The following EDIL3 variants were observed in gnomAD, a reference collection of about 807,000 sequenced individuals.
EDIL3 encodes EGF like and discoidin domains 3.
Under a neutral mutation model 67.4 loss-of-function variants are expected in EDIL3, and 37 were observed. The ratio of observed to expected loss-of-function variants is 0.55; its 90% CI spans 0.42 to 0.72. EDIL3 has a LOEUF of 0.72. EDIL3 is among the 30% of genes least tolerant of loss of function. The probability of loss-of-function intolerance (pLI) is 0.00; values close to 1 mark genes in which losing one functional copy is unlikely to be tolerated. For synonymous variants in EDIL3, 195 were observed against 196.3 expected (o/e 0.99, Z 0.05); for missense variants, 527 against 586.3 (o/e 0.90, Z 1.04).
intron 6 of EDIL3, among the ~76,000 whole-genome samples, chr5:84,084,523 T>C (rs1044318693): frequency 6.6e-6 from 1 of 152,204 alleles, no homozygotes; most frequent in Non-Finnish European, 1.5e-5. Flanking sequence ...GAACAATATA[T>C]ATGTTTCTGG....
intron 4 of EDIL3, among the ~76,000 whole-genome samples, chr5:84,168,670 AT>A (rs1238209716): frequency 3.9e-5 from 6 of 152,186 alleles, no homozygotes; most frequent in Non-Finnish European, 7.3e-5. Flanking sequence ...GCTGGTCGTA[AT>A]TGACTTCAAA....
At chr5:84,120,459 A>G (rs564660956) in intron 5 of EDIL3, among the ~76,000 whole-genome samples, 1 of 152,168 alleles carries the variant, frequency 6.6e-6, no homozygotes, top group South Asian at 2.1e-4. Context: ...TATCATTTTA[A>G]TAAAGATTGT....
intron 9 of EDIL3, among the ~76,000 whole-genome samples, chr5:84,015,473 A>G (rs1745587566): frequency 1.3e-5 from 2 of 152,214 alleles, no homozygotes; most frequent in African/African-American, 2.4e-5. Context: ...TGCAAATAAA[A>G]GCTTAGTATC....
rs1215260536 is a variant in EDIL3 at position 83,941,380 on chromosome 5, T to G, written c.*2039A>C. ...TAAAACAGGTATCAATAGAAAAAAT[T>G]ACAAAACATCATATGAAGCTATAAA... On this transcript the variant is annotated 3_prime_UTR_variant, in exon 11 of 11. Transcript: ENST00000296591. 2 of 152,014 alleles carry G rather than the reference T, an allele frequency of 1.3e-5. No homozygotes were observed. Among genetic ancestry groups the G allele is most frequent in the Non-Finnish European group, 2.9e-5 (2 of 67,910 alleles). The allele number at this position is 152,014 out of a possible 1,614,324, so 9.4% of individuals were successfully genotyped here.
At chr5:84,347,031 A>AT (rs1464477558) in intron 1 of EDIL3, among the ~76,000 whole-genome samples, 2 of 152,200 alleles carry the variant, frequency 1.3e-5, no homozygotes, top group East Asian at 3.8e-4. Context: ...CTAAAAAAAA[A>AT]TTGAGAAATT....
intron 5 of EDIL3, among the ~76,000 whole-genome samples, chr5:84,118,181 C>T (rs1266116222): frequency 2.0e-5 from 3 of 152,082 alleles, no homozygotes; most frequent in Non-Finnish European, 2.9e-5. Flanking sequence ...CTAAAATCCT[C>T]TTAAACTACA....
chr5:84,245,267 A>G (rs1197855706), intron 2 of EDIL3, among the ~76,000 whole-genome samples: 2 of 152,218 alleles, frequency 1.3e-5, no homozygotes, highest in Admixed American at 6.5e-5. Flanking sequence ...TATTTAAAAA[A>G]TATATTTGAT....
chr5:84,294,172 A>T (rs1238367567), intron 1 of EDIL3, among the ~76,000 whole-genome samples: 1 of 150,530 alleles, frequency 6.6e-6, no homozygotes, highest in African/African-American at 2.5e-5. Flanking sequence ...TCACGAGGTC[A>T]GGAGATCGAG....
intron 1 of EDIL3, among the ~76,000 whole-genome samples, chr5:84,366,479 C>T (rs1012775650): frequency 2.6e-5 from 4 of 152,146 alleles, no homozygotes; most frequent in African/African-American, 9.7e-5. Context: ...ATGCTTACTT[C>T]TTTACTTCAT....
chr5:83,978,444 T>C (rs547018471), intron 9 of EDIL3, among the ~76,000 whole-genome samples: 1 of 151,980 alleles, frequency 6.6e-6, no homozygotes, highest in East Asian at 1.9e-4. Context: ...AGTCAGCACA[T>C]TTAAAAACAA....
At chr5:84,007,956 T>C (rs1235761512) in intron 9 of EDIL3, among the ~76,000 whole-genome samples, 1 of 152,084 alleles carries the variant, frequency 6.6e-6, no homozygotes, top group Non-Finnish European at 1.5e-5. Flanking sequence ...CCATAAAAAA[T>C]GGATACCCTG....
At chr5:84,338,421 T>C (rs1747032087) in intron 1 of EDIL3, among the ~76,000 whole-genome samples, 1 of 152,152 alleles carries the variant, frequency 6.6e-6, no homozygotes, top group Non-Finnish European at 1.5e-5. Flanking sequence ...TAAACTCAAG[T>C]TGTAGCCTGA....
intron 9 of EDIL3, among the ~76,000 whole-genome samples, chr5:84,041,380 C>T (rs998306078): frequency 6.6e-6 from 1 of 151,594 alleles, no homozygotes; most frequent in African/African-American, 2.4e-5. Flanking sequence ...AGGAGGTCTC[C>T]AAACCATGCT....
intron 9 of EDIL3, among the ~76,000 whole-genome samples, chr5:83,978,019 T>C (rs781405146): frequency 2.6e-5 from 4 of 151,888 alleles, no homozygotes; most frequent in Non-Finnish European, 5.9e-5. Flanking sequence ...GAAGACTTTA[T>C]ATAAAACAAT....
At chr5:84,070,873 G>A (rs1746729049) in intron 6 of EDIL3, among the ~76,000 whole-genome samples, 1 of 152,158 alleles carries the variant, frequency 6.6e-6, no homozygotes, top group South Asian at 2.1e-4. Context: ...TGTTTGTGTA[G>A]CTGGGGTTTA....
intron 10 of EDIL3, among the ~76,000 whole-genome samples, chr5:83,956,441 G>A (rs1744515481): frequency 6.6e-6 from 1 of 151,632 alleles, no homozygotes; most frequent in Admixed American, 6.6e-5. Flanking sequence ...TATGTTCTCT[G>A]TGTACCTTAA....
At chr5:84,201,538 T>G (rs1743837015) in intron 3 of EDIL3, among the ~76,000 whole-genome samples, 2 of 152,082 alleles carry the variant, frequency 1.3e-5, no homozygotes, top group Admixed American at 1.3e-4. Context: ...AAAGAAGGAC[T>G]GGGTAGTTGT....
intron 2 of EDIL3, among the ~76,000 whole-genome samples, chr5:84,232,603 G>A (rs1356598641): frequency 6.6e-6 from 1 of 152,134 alleles, no homozygotes; most frequent in African/African-American, 2.4e-5. Context: ...ATACCTGAAA[G>A]TATCTTTGTT....
intron 1 of EDIL3, among the ~76,000 whole-genome samples, chr5:84,352,638 T>C (rs1259372978): frequency 6.6e-6 from 1 of 151,958 alleles, no homozygotes; most frequent in African/African-American, 2.4e-5. Flanking sequence ...AGATTCCAAA[T>C]GGTGGGAGGG....
Sources: gnomAD v4.1 joint callset for allele counts (sites outside exome capture counted in the v4.1 genomes callset) on GRCh38, gnomAD v4.1.1 for gene constraint, MANE v1.5 for transcripts, NCBI Gene and HGNC (gene_info 2026-07-23, HGNC 2026-07-21) for gene names.